The following DNAH6 variants were observed in gnomAD, a reference collection of about 807,000 sequenced individuals.
The protein encoded by DNAH6 is dynein axonemal heavy chain 6, also known as axonemal beta dynein heavy chain 6.
DNAH6 carries 340 observed loss-of-function variants against 491.4 expected under a neutral mutation model. The ratio of observed to expected loss-of-function variants is 0.69; its 90% CI spans 0.63 to 0.76. The LOEUF is 0.76. Ranked by LOEUF, DNAH6 falls within the 30% of genes least tolerant of loss-of-function variation. DNAH6 has a pLI of 0.00. For missense variants in DNAH6, 4,443 were observed against 4,972.2 expected, an observed-to-expected ratio of 0.89 and a Z score of 3.20; for synonymous variants, 1,603 against 1,686.1, an observed-to-expected ratio of 0.95 and a Z score of 1.21.
chr2:84,668,072 A>G (rs1368397566), intron 37 of DNAH6, among the ~76,000 whole-genome samples: 1 of 151,836 alleles, frequency 6.6e-6, no homozygotes, highest in Non-Finnish European at 1.5e-5. Context: ...GGGGAACATC[A>G]CACACCACGG....
intron 37 of DNAH6, 66 bp downstream of exon 37, chr2:84,659,235 C>A: frequency 1.1e-6 from 1 of 919,846 alleles, no homozygotes; most frequent in African/African-American, 1.7e-5. Context: ...AAGATTAAAA[C>A]TTTAAAAGCT....
chr2:84,683,453 A>C (rs1379973312), intron 42 of DNAH6, among the ~76,000 whole-genome samples: 12 of 97,428 alleles, frequency 1.2e-4, no homozygotes, highest in South Asian at 3.0e-4. Flanking sequence ...ATAGAGTTTC[A>C]CTCTTGTTGC....
chr2:84,808,797 A>G (rs1028871839), intron 72 of DNAH6, among the ~76,000 whole-genome samples: 2 of 152,246 alleles, frequency 1.3e-5, no homozygotes, highest in Admixed American at 1.3e-4. Context: ...CTTAGATTCT[A>G]TTGACTCACT....
the DNAH6 span, among the ~76,000 whole-genome samples, chr2:84,488,322 CA>C: frequency 6.6e-6 from 1 of 151,132 alleles, no homozygotes; most frequent in South Asian, 2.1e-4. Flanking sequence ...CACATGTATA[CA>C]TATGTAACTA....
At chr2:84,642,851 T>G (rs1036436251) in intron 33 of DNAH6, among the ~76,000 whole-genome samples, 1 of 152,162 alleles carries the variant, frequency 6.6e-6, no homozygotes, top group African/African-American at 2.4e-5. Context: ...TACACAGGCA[T>G]ATATAATCAA....
At chr2:84,570,279 G>T (rs1330961648) in intron 11 of DNAH6, among the ~76,000 whole-genome samples, 1 of 152,192 alleles carries the variant, frequency 6.6e-6, no homozygotes, top group Non-Finnish European at 1.5e-5. Context: ...GTTGAGTGGG[G>T]ACTTGGGGAA....
At chr2:84,516,248 C>G (rs1052119966), upstream of DNAH6, among the ~76,000 whole-genome samples, 4 of 152,182 alleles carry the variant, frequency 2.6e-5, no homozygotes, top group Non-Finnish European at 5.9e-5. Context: ...AATTAACCAC[C>G]TCCTTTGGCT....
At chr2:84,750,669 A>G (rs1470008175) in intron 63 of DNAH6, 2 of 152,204 alleles carry the variant, frequency 1.3e-5, no homozygotes, top group African/African-American at 2.4e-5. Context: ...GTGAAGCATC[A>G]AGTTCACTAT....
chr2:84,502,492 T>C, the DNAH6 span, among the ~76,000 whole-genome samples: 1 of 152,212 alleles, frequency 6.6e-6, no homozygotes, highest in African/African-American at 2.4e-5. Context: ...GTGCATTCTG[T>C]AGCCATTGGA....
intron 62 of DNAH6, among the ~76,000 whole-genome samples, chr2:84,739,649 C>T (rs1002515166): frequency 2.6e-5 from 4 of 152,124 alleles, no homozygotes; most frequent in African/African-American, 9.7e-5. Context: ...TTAAGGCTTC[C>T]ATTTGTATTT....
Position 84,805,623 on chromosome 2 carries a change from G to A in DNAH6, c.11482-42G>A, listed in dbSNP as rs867458289. On this transcript the variant is annotated intron_variant, in intron 70 of 76. Coordinates refer to ENST00000389394, the MANE Select transcript of DNAH6 (RefSeq NM_001370.2). ...TGTGTGCTGCAAATTTGTTTTCTGAGAATTTGAGTCTTCACTGTTCTGTCT... is the reference window on the plus strand; with the variant it reads ...TGTGTGCTGCAAATTTGTTTTCTGAAAATTTGAGTCTTCACTGTTCTGTCT... The A allele has an allele frequency of 2.0e-6, 3 of 1,464,946 alleles. No individual in the cohort carries two copies. The East Asian group carries it at 7.7e-5, about 38-fold the overall frequency. 90.7% of individuals were successfully genotyped at this position (1,464,946 alleles called of 1,614,324 possible). A position where few individuals can be genotyped will look rare whatever the true frequency, so the allele number is the denominator to read the frequency against.
At chr2:84,490,866 A>G in the DNAH6 span, among the ~76,000 whole-genome samples, 36 of 152,240 alleles carry the variant, frequency 2.4e-4, no homozygotes, top group African/African-American at 8.4e-4. Context: ...TGGCCCATGA[A>G]TATATGATTT....
the DNAH6 span, among the ~76,000 whole-genome samples, chr2:84,468,971 T>C: frequency 6.6e-6 from 1 of 152,142 alleles, no homozygotes; most frequent in Non-Finnish European, 1.5e-5. Flanking sequence ...GCCAAGTTTG[T>C]TACTGACCAG....
intron 63 of DNAH6, among the ~76,000 whole-genome samples, chr2:84,749,642 G>A (rs964326807): frequency 3.3e-4 from 50 of 152,182 alleles, no homozygotes; most frequent in African/African-American, 1.2e-3. Context: ...AGATAAATCA[G>A]TAACACTTTG....
At position 84,727,830 on chromosome 2, in the gene DNAH6, G is replaced by T. The variant is rs1007512736; in HGVS notation, c.10134G>T (p.Met3378Ile). 3 of 1,552,156 alleles carry T rather than the reference G, an allele frequency of 1.9e-6. No individual in the cohort carries two copies. Among genetic ancestry groups the T allele is most frequent in the Non-Finnish European group, 2.6e-6 (3 of 1,147,064 alleles). Reference protein sequence around the residue: ...LIYSFMLCVEMMRQQGTLSDA... With the variant: ...LIYSFMLCVEIMRQQGTLSDA... ...ACAGCTTTATGCTTTGTGTTGAGAT[G>T]ATGCGTCAGCAAGGAACCCTATCTG... The change falls in exon 61 of 77, where the codon ATG (methionine) becomes ATT (isoleucine). Residue 3378 changes from methionine (M) to isoleucine (I), a missense_variant. Coordinates refer to ENST00000389394, the MANE Select transcript of DNAH6 (RefSeq NM_001370.2).
intron 18 of DNAH6, among the ~76,000 whole-genome samples, chr2:84,598,127 T>TTTTC (rs56356355): frequency 0.18 from 19,356 of 109,144 alleles, 1,756 homozygotes; most frequent in East Asian, 0.22. Context: ...TCTATCTTTC[T>TTTTC]TTTCTTTCTT....
At chr2:84,637,471 C>T in intron 31 of DNAH6, 94 bp downstream of exon 31, 1 of 1,302,882 alleles carries the variant, frequency 7.7e-7, no homozygotes, top group East Asian at 2.6e-5. Context: ...TTTATGAATG[C>T]CCCTATTAAT....
chr2:84,733,303 A>G (rs779646350), intron 61 of DNAH6, 141 bp from the exon 62 acceptor site: 1 of 666,904 alleles, frequency 1.5e-6, no homozygotes, highest in Non-Finnish European at 2.5e-6. Context: ...CACCATTTCT[A>G]TTTCACCATA....
the DNAH6 span, among the ~76,000 whole-genome samples, chr2:84,510,549 C>T: frequency 4.9e-4 from 75 of 151,814 alleles, no homozygotes; most frequent in Non-Finnish European, 9.6e-4. Flanking sequence ...GTAGTTTGAT[C>T]GTCTGAAGCC....
Sources: allele counts gnomAD v4.1 joint callset (sites outside exome capture counted in the v4.1 genomes callset), GRCh38; gene constraint gnomAD v4.1.1; transcripts MANE v1.5; gene names NCBI Gene and HGNC (gene_info 2026-07-23, HGNC 2026-07-21).